ECE1: variants seen among roughly 807,000 people sequenced by gnomAD.
ECE1 encodes the protein endothelin converting enzyme 1.
Under a neutral mutation model 98.6 loss-of-function variants are expected in ECE1, and 35 were observed. The observed-to-expected ratio is 0.35, with a 90% CI of 0.27 to 0.47. ECE1 has a LOEUF of 0.47. Ranked by LOEUF, ECE1 falls within the 20% of genes least tolerant of loss-of-function variation. ECE1 has a pLI of 1.00. For missense variants in ECE1, 814 were observed against 1,025.3 expected (o/e 0.79, Z 2.81); for synonymous variants, 394 against 407.1 (o/e 0.97, Z 0.39).
In ECE1 at chr1:21,233,119, T is replaced by C. The variant is rs1214011333; in HGVS notation, c.1670+439A>G. 5.5e-6 allele frequency: 1 copy of C among 182,506 alleles called. No individual in the cohort carries two copies. The highest frequency in any genetic ancestry group is 5.4e-5 in the Admixed American group (1 of 18,572). 11.3% of individuals were successfully genotyped at this position (182,506 alleles called of 1,614,324 possible). A position where few individuals can be genotyped will look rare whatever the true frequency, so the allele number is the denominator to read the frequency against. ...CCTGAGATCCCACCATTCGTGGTAG[T>C]GAGGAACAATGGGAAAGCTGCTCTT... On this transcript the variant is annotated intron_variant, in intron 14 of 18. Transcript: ENST00000374893. The surrounding 1 kb of genome is among the most constrained non-coding windows in gnomAD (Gnocchi z 4.0).
chr1:21,224,257 G>A (rs1226256254), intron 17 of ECE1, among the ~76,000 whole-genome samples: 5 of 152,038 alleles, frequency 3.3e-5, no homozygotes, highest in Admixed American at 1.3e-4. Context: ...TTTACCCCCC[G>A]TTATTCCTCA....
At position 21,340,219 on chromosome 1, in the gene ECE1, G is replaced by A. The variant is rs1639374968; in HGVS notation, c.3+5157C>T. Among the ~76,000 whole-genome samples, 1 of 152,224 alleles carries A rather than the reference G, an allele frequency of 6.6e-6. No homozygotes were observed. Among genetic ancestry groups the A allele is most frequent in the Non-Finnish European group, 1.5e-5 (1 of 68,032 alleles). ...TCTTTCTCCTCTATTAAAGGCTCTG[G>A]AGACCAGGGCCCTCGGCTGGTTATC... is the stretch of plus-strand genomic sequence containing the variant. On this transcript the variant is annotated intron_variant, in intron 1 of 18. Transcript: ENST00000415912. The surrounding 1 kb of genome is among the most constrained non-coding windows in gnomAD (Gnocchi z 4.6).
chr1:21,299,540 C>G (rs2103375674), intron 1 of ECE1: 1 of 152,560 alleles, frequency 6.6e-6, no homozygotes, highest in Non-Finnish European at 1.5e-5. Context: ...CCAGTTCTAA[C>G]ACTGCCTTAC....
chr1:21,282,601 A>G (rs549815299), intron 2 of ECE1, among the ~76,000 whole-genome samples: 6 of 151,002 alleles, frequency 4.0e-5, no homozygotes, highest in South Asian at 2.1e-4. Context: ...AAAAAAAAAA[A>G]AAAGAAAGAA....
Position 21,225,443 on chromosome 1 carries a change from G to A in ECE1, c.1850-3C>T. 1 of 1,613,892 alleles carries A rather than the reference G, an allele frequency of 6.2e-7. No individual in the cohort carries two copies. Among genetic ancestry groups the A allele is most frequent in the East Asian group, 2.2e-5 (1 of 44,854 alleles). On this transcript the variant is annotated splice_region_variant and splice_polypyrimidine_tract_variant and intron_variant, in intron 16 of 18. Transcript: ENST00000374893. The surrounding 1 kb of genome is among the most constrained non-coding windows in gnomAD (Gnocchi z 5.3). ...CCCGTCCTTGTCATACTCCCGTCCT[G>A]TGGGTCAGAGGGAGGCGTCATGTCA...
Position 21,260,487 on chromosome 1 carries a change from G to T in ECE1, c.494-95C>A. On this transcript the variant is annotated intron_variant, in intron 4 of 18. Transcript: ENST00000374893. The surrounding 1 kb of genome is among the most constrained non-coding windows in gnomAD (Gnocchi z 4.3). ...TCTTTTCGGAGCCTTGGTGTTCTCA[G>T]CTGCAAAGGAGCTCTGACATCTGCC... The T allele has an allele frequency of 1.4e-6, 2 of 1,479,184 alleles. No homozygotes were observed. The highest frequency in any genetic ancestry group is 1.9e-6 in the Non-Finnish European group (2 of 1,062,154). 91.6% of individuals were successfully genotyped at this position (1,479,184 alleles called of 1,614,324 possible). A position where few individuals can be genotyped will look rare whatever the true frequency, so the allele number is the denominator to read the frequency against.
intron 1 of ECE1, among the ~76,000 whole-genome samples, chr1:21,341,231 G>C (rs1348237538): frequency 1.3e-5 from 2 of 152,224 alleles, no homozygotes; most frequent in Non-Finnish European, 1.5e-5. Flanking sequence ...CTGTCCATCA[G>C]ACTGTGGGAG....
chr1:21,291,684 G>A (rs2098266744), upstream of ECE1, among the ~76,000 whole-genome samples: 2 of 152,098 alleles, frequency 1.3e-5, no homozygotes, highest in South Asian at 2.1e-4. Flanking sequence ...AAAATCAGCT[G>A]GGCCTGGTGG....
At chr1:21,323,091 T>C (rs1036042827) in intron 1 of ECE1, among the ~76,000 whole-genome samples, 19 of 152,222 alleles carry the variant, frequency 1.2e-4, no homozygotes, top group African/African-American at 4.3e-4. Flanking sequence ...TTCATGCCAA[T>C]TCTGCATTCT....
chr1:21,233,335 G>A lies in ECE1; in HGVS notation c.1670+223C>T, dbSNP rs2103230925. 1 of 505,524 alleles carries A rather than the reference G, an allele frequency of 2.0e-6. No homozygotes were observed. The highest frequency in any genetic ancestry group is 3.6e-6 in the Non-Finnish European group (1 of 277,454). 31.3% of individuals were successfully genotyped at this position (505,524 alleles called of 1,614,324 possible). A position where few individuals can be genotyped will look rare whatever the true frequency, so the allele number is the denominator to read the frequency against. ...GAGGCCAGGCTCACCCTGCCAACAG[G>A]CTGGGCAGGCTCAAGCCCATCCCAG... On this transcript the variant is annotated intron_variant, in intron 14 of 18. Transcript: ENST00000374893. The surrounding 1 kb of genome is among the most constrained non-coding windows in gnomAD (Gnocchi z 4.0).
rs971675940 is a variant in ECE1, at chr1:21,235,167, A to G, written c.1566+683T>C. Among the ~76,000 whole-genome samples, 1 of 152,280 alleles carries G rather than the reference A, an allele frequency of 6.6e-6. No homozygotes were observed. The highest frequency in any genetic ancestry group is 1.9e-4 in the East Asian group (1 of 5,178). On this transcript the variant is annotated intron_variant, in intron 13 of 18. Transcript: ENST00000374893. This position sits in a 1 kb window ranked among gnomAD's most constrained non-coding sequence, Gnocchi z 4.2. ...CCTGTCTCAAAAAAAATTTTTTCTT[A>G]AATACCTGAATTCAAGTATTTCAAT...
chr1:21,233,611 G>A lies in ECE1; in HGVS notation c.1617C>T (p.Asn539=). 2 of 1,614,026 alleles carry A rather than the reference G, an allele frequency of 1.2e-6. No homozygotes were observed. The highest frequency in any genetic ancestry group is 1.7e-6 in the Non-Finnish European group (2 of 1,180,008). Reference sequence around the variant, plus strand: ...GATCGGCAGTGACCCTCCATGAGAAGTTGAAAAACCGCATGGCATTTTCAA... The same window carrying A: ...GATCGGCAGTGACCCTCCATGAGAAATTGAAAAACCGCATGGCATTTTCAA... The part of the protein sequence containing the change: ...LYFENAMRFF[N]FSWRVTADQL... The change falls in exon 14 of 19, where the codon AAC becomes AAT. Residue 539 remains asparagine, a synonymous_variant. Transcript: ENST00000374893. This position sits in a 1 kb window ranked among gnomAD's most constrained non-coding sequence, Gnocchi z 4.0.
At chr1:21,230,817 T>C (rs540226913) in intron 14 of ECE1, among the ~76,000 whole-genome samples, 84 of 152,192 alleles carry the variant, frequency 5.5e-4, no homozygotes, top group Non-Finnish European at 1.0e-3. Flanking sequence ...ACCTCTCTTC[T>C]CATTAATTTT....
chr1:21,316,980 G>C (rs1465134767), intron 1 of ECE1, among the ~76,000 whole-genome samples: 1 of 152,142 alleles, frequency 6.6e-6, no homozygotes, highest in Non-Finnish European at 1.5e-5. Context: ...CCTGAGGTCA[G>C]GAGTAACAGT....
chr1:21,326,787 G>A (rs1415118907), intron 1 of ECE1, among the ~76,000 whole-genome samples: 1 of 152,110 alleles, frequency 6.6e-6, no homozygotes, highest in African/African-American at 2.4e-5. Flanking sequence ...CTGCAGTTAC[G>A]GAGCCTGGAT....
rs1452833466 is a variant in ECE1, at chr1:21,298,614, T to C, written c.4-8458A>G. On this transcript the variant is annotated intron_variant, in intron 1 of 18. Transcript: ENST00000415912. ...GGAAGGAACGACCAGAGAAGACCCG[T>C]GGTGTGCCAGGCACTAGACCTGGGG... 6 of 396,748 alleles carry C rather than the reference T, an allele frequency of 1.5e-5. No individual in the cohort carries two copies. In the East Asian group the frequency reaches 4.3e-4, roughly 29 times the overall value. 24.6% of individuals were successfully genotyped at this position (396,748 alleles called of 1,614,324 possible).
chr1:21,271,500 G>A (rs2098240194), intron 4 of ECE1, among the ~76,000 whole-genome samples: 1 of 152,136 alleles, frequency 6.6e-6, no homozygotes. Flanking sequence ...TCTAGGTTCT[G>A]TTGTTGATGG....
intron 8 of ECE1, 63 bp from the exon 9 acceptor site, chr1:21,247,426 G>T: frequency 1.9e-6 from 3 of 1,612,600 alleles, no homozygotes; most frequent in Non-Finnish European, 2.5e-6. Context: ...CAGGGCTCTA[G>T]GACGGGCTTC....
chr1:21,295,687 C>T (rs541604962), intron 1 of ECE1, among the ~76,000 whole-genome samples: 3 of 152,252 alleles, frequency 2.0e-5, no homozygotes, highest in Non-Finnish European at 2.9e-5. Flanking sequence ...TCCTTGTCCA[C>T]ATTTTCCACT....
Sources: allele counts gnomAD v4.1 joint callset (sites outside exome capture counted in the v4.1 genomes callset), GRCh38; gene constraint gnomAD v4.1.1; non-coding constraint Gnocchi (gnomAD v3.1); transcripts MANE v1.5; gene names NCBI Gene and HGNC (gene_info 2026-07-23, HGNC 2026-07-21).